Variants in RBFOX3 observed in about 807,000 individuals in gnomAD.
The protein encoded by RBFOX3 is RNA binding fox-1 homolog 3.
In RBFOX3, 17 loss-of-function variants were observed where a neutral mutation model predicts 48.7. That is an observed-to-expected ratio of 0.35 (90% CI 0.24 to 0.52). RBFOX3 has a LOEUF of 0.52. RBFOX3 is among the 20% of genes least tolerant of loss of function. The probability of loss-of-function intolerance (pLI) is 0.94; values close to 1 mark genes in which losing one functional copy is unlikely to be tolerated. For synonymous variants in RBFOX3, 212 were observed against 209.5 expected (o/e 1.01, Z -0.10); for missense variants, 382 against 497.5 (o/e 0.77, Z 2.21).
intron 4 of RBFOX3, among the ~76,000 whole-genome samples, chr17:79,175,182 G>T (rs537241370): frequency 6.6e-6 from 1 of 152,248 alleles, no homozygotes; most frequent in Non-Finnish European, 1.5e-5. Context: ...AGTACCTGGC[G>T]ATGGCCAAAG....
intron 3 of RBFOX3, among the ~76,000 whole-genome samples, chr17:79,280,967 A>G (rs2070322896): frequency 6.6e-6 from 1 of 152,168 alleles, no homozygotes; most frequent in Non-Finnish European, 1.5e-5. Context: ...GAGGCAGTGA[A>G]GCGAGCACGT....
At chr17:79,450,783 G>T (rs542889279) in intron 2 of RBFOX3, among the ~76,000 whole-genome samples, 1 of 152,164 alleles carries the variant, frequency 6.6e-6, no homozygotes, top group South Asian at 2.1e-4. Context: ...GAGCTCCCAG[G>T]GTAGCCTGCC....
chr17:79,373,236 C>T (rs1381096429), intron 2 of RBFOX3, among the ~76,000 whole-genome samples: 2 of 152,294 alleles, frequency 1.3e-5, no homozygotes, highest in East Asian at 3.9e-4. Context: ...TCTGTCCTCC[C>T]CACCCCTACG....
Position 79,479,411 on chromosome 17 carries a change from C to T in RBFOX3, c.-175+3043G>A, listed in dbSNP as rs1307110223. The stretch of plus-strand genomic sequence containing the variant: ...TAAAAGACAGGCAGAGATTCAAAGC[C>T]ACACGCAGGCCTCAGACTGCATTGC... On this transcript the variant is annotated intron_variant, in intron 2 of 14. Coordinates refer to ENST00000693108, the MANE Select transcript of RBFOX3 (RefSeq NM_001350451.2). This position sits in a 1 kb window ranked among gnomAD's most constrained non-coding sequence, Gnocchi z 5.1. Among the ~76,000 whole-genome samples, 9 of 152,118 alleles carry T rather than the reference C, an allele frequency of 5.9e-5. No homozygotes were observed. The highest frequency in any genetic ancestry group is 2.2e-4 in the African/African-American group (9 of 41,442).
chr17:79,564,126 T>C (rs943212048), intron 1 of RBFOX3, among the ~76,000 whole-genome samples: 1 of 152,168 alleles, frequency 6.6e-6, no homozygotes, highest in African/African-American at 2.4e-5. Flanking sequence ...GAACCAGCAT[T>C]TAAATCAGGC....
At chr17:79,649,848 G>C in the RBFOX3 span, among the ~76,000 whole-genome samples, 2 of 152,142 alleles carry the variant, frequency 1.3e-5, no homozygotes, top group African/African-American at 2.4e-5. Flanking sequence ...ATGGAGGCAG[G>C]CGAAGGGGAA....
intron 3 of RBFOX3, among the ~76,000 whole-genome samples, chr17:79,266,548 G>A (rs62062927): frequency 0.07 from 10,622 of 152,108 alleles, 433 homozygotes; most frequent in South Asian, 0.12. Context: ...CGGAGCTCCC[G>A]AAGTGCTTGG....
the RBFOX3 span, among the ~76,000 whole-genome samples, chr17:79,623,512 C>G: frequency 6.6e-6 from 1 of 152,008 alleles, no homozygotes; most frequent in Non-Finnish European, 1.5e-5. Flanking sequence ...ACCACAGGGT[C>G]CTTAAAAGTG....
At chr17:79,657,529 A>G in the RBFOX3 span, among the ~76,000 whole-genome samples, 1 of 152,154 alleles carries the variant, frequency 6.6e-6, no homozygotes, top group Admixed American at 6.5e-5. Flanking sequence ...AAATACAACA[A>G]TTAGCCAAGC....
intron 1 of RBFOX3, among the ~76,000 whole-genome samples, chr17:79,609,839 G>A (rs2093929532): frequency 6.6e-6 from 1 of 151,992 alleles, no homozygotes; most frequent in African/African-American, 2.4e-5. Flanking sequence ...ATGACCACTG[G>A]CCTCGCGCCA....
At chr17:79,422,384 C>T (rs1270591827) in intron 2 of RBFOX3, among the ~76,000 whole-genome samples, 1 of 151,886 alleles carries the variant, frequency 6.6e-6, no homozygotes, top group Non-Finnish European at 1.5e-5. Context: ...ACAGCACCCC[C>T]ACTGCCTCCC....
the RBFOX3 span, among the ~76,000 whole-genome samples, chr17:79,652,569 A>AGGAG: frequency 1.7e-5 from 2 of 115,164 alleles, no homozygotes; most frequent in African/African-American, 8.5e-5. Flanking sequence ...AAGGAAAGGA[A>AGGAG]AGGAAAGGAG....
In RBFOX3 at chr17:79,362,374, G is replaced by A. The variant is rs1346653040; in HGVS notation, c.-174-54550C>T. Among the ~76,000 whole-genome samples, 1 of 152,126 alleles carries A rather than the reference G, an allele frequency of 6.6e-6. No homozygotes were observed. Among genetic ancestry groups the A allele is most frequent in the Non-Finnish European group, 1.5e-5 (1 of 68,022 alleles). Reference sequence around the variant, plus strand: ...CGTAGGACGGTGGGAGAGGCTGAGTGCAGCGTCTTTCAGAGCCAAACAGAG... The same window carrying A: ...CGTAGGACGGTGGGAGAGGCTGAGTACAGCGTCTTTCAGAGCCAAACAGAG... On this transcript the variant is annotated intron_variant, in intron 2 of 14. Coordinates refer to ENST00000693108, the MANE Select transcript of RBFOX3 (RefSeq NM_001350451.2). The surrounding 1 kb of genome is among the most constrained non-coding windows in gnomAD (Gnocchi z 4.2).
At position 79,443,975 on chromosome 17, in the gene RBFOX3, T is replaced by C. The variant is rs1555736542; in HGVS notation, c.-175+38479A>G. ...ATGGTGCCTGAGACAGGCACTGCCATCCCTCTTCCCATCTCCCAAAGGAGG... is the reference window on the plus strand; with the variant it reads ...ATGGTGCCTGAGACAGGCACTGCCACCCCTCTTCCCATCTCCCAAAGGAGG... On this transcript the variant is annotated intron_variant, in intron 2 of 14. Transcript: ENST00000693108. The surrounding 1 kb of genome is among the most constrained non-coding windows in gnomAD (Gnocchi z 4.4). 6.6e-6 allele frequency among the ~76,000 whole-genome samples: 1 copy of C among 152,012 alleles called. No individual in the cohort carries two copies.
chr17:79,592,774 G>A (rs933036764), intron 1 of RBFOX3, among the ~76,000 whole-genome samples: 4,316 of 152,290 alleles, frequency 0.028, 196 homozygotes, highest in African/African-American at 0.092. Flanking sequence ...TGGGCACTGC[G>A]GCATGGGGCC....
At chr17:79,369,374 CCT>C (rs2058218806) in intron 2 of RBFOX3, among the ~76,000 whole-genome samples, 2 of 150,360 alleles carry the variant, frequency 1.3e-5, no homozygotes, top group East Asian at 1.9e-4. Flanking sequence ...TGCCCTGGAC[CCT>C]GACCGTGACC....
At chr17:79,261,175 C>T (rs1447819448) in intron 3 of RBFOX3, among the ~76,000 whole-genome samples, 1 of 152,158 alleles carries the variant, frequency 6.6e-6, no homozygotes, top group Non-Finnish European at 1.5e-5. Context: ...TCATCTGTTC[C>T]CCCAACTGCC....
At chr17:79,621,516 C>T in the RBFOX3 span, among the ~76,000 whole-genome samples, 4 of 152,318 alleles carry the variant, frequency 2.6e-5, no homozygotes, top group South Asian at 8.3e-4. Context: ...AGTGAGACTT[C>T]ACTGAATCAT....
At chr17:79,107,396 A>C (rs945819181) in intron 5 of RBFOX3, among the ~76,000 whole-genome samples, 3 of 152,160 alleles carry the variant, frequency 2.0e-5, no homozygotes, top group African/African-American at 7.2e-5. Flanking sequence ...TATAGCCCCC[A>C]TTTGGACCCA....
Sources: gnomAD v4.1 joint callset for allele counts (sites outside exome capture counted in the v4.1 genomes callset) on GRCh38, gnomAD v4.1.1 for gene constraint, Gnocchi (gnomAD v3.1) non-coding constraint, MANE v1.5 for transcripts, NCBI Gene and HGNC (gene_info 2026-07-23, HGNC 2026-07-21) for gene names.